The following RXRA variants were observed in gnomAD, a reference collection of about 807,000 sequenced individuals.
RXRA encodes the protein retinoic acid receptor RXR-alpha.
A neutral mutation model predicts 44.5 loss-of-function variants in RXRA; 5 were observed. The ratio of observed to expected loss-of-function variants is 0.11; its 90% CI spans 0.06 to 0.24. The LOEUF is 0.24. Among genes scored for constraint, RXRA ranks in the 10% least tolerant of loss-of-function variants. The pLI is 1.00. For synonymous variants in RXRA, 291 were observed against 271.4 expected, an observed-to-expected ratio of 1.07 and a Z score of -0.71; for missense variants, 412 against 646.5, an observed-to-expected ratio of 0.64 and a Z score of 3.93.
chr9:134,355,452 C>G (rs1554749978), intron 1 of RXRA, among the ~76,000 whole-genome samples: 1 of 152,072 alleles, frequency 6.6e-6, no homozygotes, highest in African/African-American at 2.4e-5. Flanking sequence ...ACAGAGCTCA[C>G]CTGCAGCTCA....
chr9:134,344,213 G>A (rs1554748445), intron 1 of RXRA, among the ~76,000 whole-genome samples: 1 of 152,172 alleles, frequency 6.6e-6, no homozygotes, highest in African/African-American at 2.4e-5. Context: ...CCCTGCCCTG[G>A]GCCTCCCTTT....
chr9:134,407,997 A>G lies in RXRA; in HGVS notation c.280-152A>G, dbSNP rs1338299276. On this transcript the variant is annotated intron_variant, in intron 2 of 9. Coordinates refer to ENST00000481739, the MANE Select transcript of RXRA (RefSeq NM_002957.6). The surrounding 1 kb of genome is among the most constrained non-coding windows in gnomAD (Gnocchi z 4.8). The stretch of plus-strand genomic sequence containing the variant: ...CACAGTGGCCCCGCTGCTCCGGAGC[A>G]GCGTGGCGGGTGGGGGGCACGGCCC... 3 of 539,616 alleles carry G rather than the reference A, an allele frequency of 5.6e-6. No individual in the cohort carries two copies. The highest frequency in any genetic ancestry group is 4.0e-5 in the African/African-American group (2 of 50,300). 33.4% of individuals were successfully genotyped at this position (539,616 alleles called of 1,614,324 possible).
chr9:134,341,686 C>G (rs1830088313), intron 1 of RXRA, among the ~76,000 whole-genome samples: 1 of 152,114 alleles, frequency 6.6e-6, no homozygotes, highest in African/African-American at 2.4e-5. Context: ...TCCTCTCTTT[C>G]TGGGAGCTCC....
At position 134,342,521 on chromosome 9, in the gene RXRA, C is replaced by T. The variant is rs10881579; in HGVS notation, c.28+15862C>T. On this transcript the variant is annotated intron_variant, in intron 1 of 9. Coordinates refer to ENST00000481739, the MANE Select transcript of RXRA (RefSeq NM_002957.6). This position sits in a 1 kb window ranked among gnomAD's most constrained non-coding sequence, Gnocchi z 4.4. Reference sequence around the variant, plus strand: ...TGCACTTGGGATGGCGTGCTGTGCGCCCTCTTCCTGCCATCAGCGGGGGGC... The same window carrying T: ...TGCACTTGGGATGGCGTGCTGTGCGTCCTCTTCCTGCCATCAGCGGGGGGC... Among the ~76,000 whole-genome samples, 3 of 152,050 alleles carry T rather than the reference C, an allele frequency of 2.0e-5. No homozygotes were observed. Among genetic ancestry groups the T allele is most frequent in the African/African-American group, 7.2e-5 (3 of 41,392 alleles).
intron 1 of RXRA, among the ~76,000 whole-genome samples, chr9:134,326,984 A>G (rs1260723154): frequency 6.6e-6 from 1 of 151,454 alleles, no homozygotes; most frequent in Admixed American, 6.6e-5. Flanking sequence ...CGCGCCGCAC[A>G]GGAACCCGGC....
At position 134,439,128 on chromosome 9, in the gene RXRA, AT is replaced by A. The variant is rs1421740644; in HGVS notation, c.*2520del. Reference sequence around the variant, plus strand: ...TTACCAATCCAGTTCAATTAAGGTGATTTTTTGTAATTATTATTATTTTGGT... The same window carrying A: ...TTACCAATCCAGTTCAATTAAGGTGATTTTTGTAATTATTATTATTTTGGT... On this transcript the variant is annotated 3_prime_UTR_variant, in exon 10 of 10. Coordinates refer to ENST00000481739, the MANE Select transcript of RXRA (RefSeq NM_002957.6). 1 of 152,194 alleles carries A rather than the reference AT, an allele frequency of 6.6e-6. No individual in the cohort carries two copies. The highest frequency in any genetic ancestry group is 2.1e-4 in the South Asian group (1 of 4,834). The allele number at this position is 152,194 out of a possible 1,614,324, so 9.4% of individuals were successfully genotyped here. A position where few individuals can be genotyped will look rare whatever the true frequency, so the allele number is the denominator to read the frequency against.
chr9:134,341,845 G>C (rs529550307), intron 1 of RXRA, among the ~76,000 whole-genome samples: 4 of 152,192 alleles, frequency 2.6e-5, no homozygotes, highest in Non-Finnish European at 4.4e-5. Context: ...GGCACTGGGC[G>C]GTGTGGTCTT....
At chr9:134,360,258 C>T (rs1830333463) in intron 1 of RXRA, among the ~76,000 whole-genome samples, 1 of 152,202 alleles carries the variant, frequency 6.6e-6, no homozygotes, top group Non-Finnish European at 1.5e-5. Flanking sequence ...CTGGAGGCTG[C>T]ACTGCCTGAG....
intron 1 of RXRA, among the ~76,000 whole-genome samples, chr9:134,336,235 C>T (rs1432127606): frequency 5.3e-5 from 8 of 152,216 alleles, no homozygotes; most frequent in African/African-American, 1.9e-4. Context: ...GGGCCTTCCT[C>T]TTCCCTCCCC....
At chr9:134,431,585 G>A (rs747312414) in intron 7 of RXRA, among the ~76,000 whole-genome samples, 4 of 152,200 alleles carry the variant, frequency 2.6e-5, no homozygotes, top group Non-Finnish European at 4.4e-5. Context: ...GTGCAGCTGC[G>A]GCTCACCTCA....
intron 9 of RXRA, 29 bp downstream of exon 9, chr9:134,434,236 C>A: frequency 6.5e-7 from 1 of 1,532,614 alleles, no homozygotes; most frequent in Non-Finnish European, 9.0e-7. Flanking sequence ...CACACACACC[C>A]CAGACCCAGG....
intron 6 of RXRA, chr9:134,427,043 CTG>C: frequency 1.0e-6 from 1 of 982,158 alleles, no homozygotes; most frequent in Non-Finnish European, 1.2e-6. Flanking sequence ...GTCCAAGTCT[CTG>C]TGTGATTTGG....
At chr9:134,423,047 G>A (rs1328203573) in intron 6 of RXRA, 15 of 985,382 alleles carry the variant, frequency 1.5e-5, no homozygotes, top group Non-Finnish European at 1.4e-5. Flanking sequence ...GCTCAGCTTT[G>A]GGGTTTTGGG....
chr9:134,364,250 G>A (rs1020531423), intron 1 of RXRA, among the ~76,000 whole-genome samples: 18 of 152,254 alleles, frequency 1.2e-4, no homozygotes, highest in African/African-American at 3.1e-4. Context: ...AAAGCCGTGC[G>A]GTGGGAGCTT....
intron 1 of RXRA, among the ~76,000 whole-genome samples, chr9:134,328,887 G>A (rs1317263453): frequency 6.6e-6 from 1 of 152,174 alleles, no homozygotes; most frequent in Non-Finnish European, 1.5e-5. Context: ...GATCCCAGTC[G>A]GTGTCCACCG....
chr9:134,356,019 G>T lies in RXRA; in HGVS notation c.28+29360G>T, dbSNP rs796963453. ...TGGGCCCAGACTGCCAAGAGTAGCG[G>T]CAGGGAGGTGCTTCCACGACGCCCT... is the stretch of plus-strand genomic sequence containing the variant. On this transcript the variant is annotated intron_variant, in intron 1 of 9. Coordinates refer to ENST00000481739, the MANE Select transcript of RXRA (RefSeq NM_002957.6). Among the ~76,000 whole-genome samples, 33 of 152,190 alleles carry T rather than the reference G, an allele frequency of 2.2e-4. 1 individual carries two copies. The highest frequency in any genetic ancestry group is 7.7e-4 in the African/African-American group (32 of 41,454).
chr9:134,402,000 G>T (rs1363483261), intron 2 of RXRA, 118 bp downstream of exon 2: 10 of 860,962 alleles, frequency 1.2e-5, no homozygotes, highest in Admixed American at 8.7e-5. Context: ...TGGTCTCCCC[G>T]CTTGACGCAG....
chr9:134,411,063 G>A (rs1413909485), intron 4 of RXRA, among the ~76,000 whole-genome samples: 1 of 152,228 alleles, frequency 6.6e-6, no homozygotes, highest in Non-Finnish European at 1.5e-5. Context: ...CCTGAGGAAT[G>A]AAAAGGTGTC....
intron 1 of RXRA, among the ~76,000 whole-genome samples, chr9:134,399,050 G>A (rs1296492569): frequency 6.6e-5 from 10 of 152,278 alleles, no homozygotes; most frequent in African/African-American, 2.4e-4. Context: ...CTCAGTCTGT[G>A]TGGATTTGGG....
Sources: gnomAD v4.1 joint callset for allele counts (sites outside exome capture counted in the v4.1 genomes callset) on GRCh38, gnomAD v4.1.1 for gene constraint, Gnocchi (gnomAD v3.1) non-coding constraint, MANE v1.5 for transcripts, NCBI Gene and HGNC (gene_info 2026-07-23, HGNC 2026-07-21) for gene names.